Variants in GRM3 observed in about 807,000 individuals in gnomAD.
GRM3 encodes metabotropic glutamate receptor 3.
A neutral mutation model predicts 70.5 loss-of-function variants in GRM3; 26 were observed. The ratio of observed to expected loss-of-function variants is 0.37; its 90% confidence interval spans 0.27 to 0.51. The LOEUF is 0.51. GRM3 is among the 20% of genes least tolerant of loss of function. The pLI is 0.93. For synonymous variants in GRM3, 443 were observed against 434.9 expected (o/e 1.02, Z -0.23); for missense variants, 859 against 1,123.8 (o/e 0.76, Z 3.37).
At chr7:86,647,816 C>CA (rs1793511972) in intron 1 of GRM3, among the ~76,000 whole-genome samples, 1 of 152,142 alleles carries the variant, frequency 6.6e-6, no homozygotes, top group Admixed American at 6.5e-5. Flanking sequence ...CTAATGTAGG[C>CA]TTGGTCCCCA....
At chr7:86,753,142 G>A (rs1405266090) in intron 1 of GRM3, among the ~76,000 whole-genome samples, 1 of 152,014 alleles carries the variant, frequency 6.6e-6, no homozygotes, top group Non-Finnish European at 1.5e-5. Flanking sequence ...GAGAAGAAAG[G>A]CAGAATGCTA....
At chr7:86,731,634 A>G (rs2237548) in intron 1 of GRM3, among the ~76,000 whole-genome samples, 60,809 of 151,980 alleles carry the variant, frequency 0.4, 15,073 homozygotes, top group African/African-American at 0.71. Flanking sequence ...GTCAGATTGG[A>G]TTGGCTATAC....
intron 1 of GRM3, among the ~76,000 whole-genome samples, chr7:86,740,272 G>A (rs1312039064): frequency 1.3e-5 from 2 of 152,114 alleles, no homozygotes; most frequent in African/African-American, 4.8e-5. Context: ...TCCATTTTGA[G>A]GAGGAAGAAG....
intron 5 of GRM3, among the ~76,000 whole-genome samples, chr7:86,859,968 C>G (rs1231384829): frequency 2.0e-5 from 3 of 152,108 alleles, no homozygotes; most frequent in African/African-American, 7.2e-5. Flanking sequence ...CTTTTGTGAT[C>G]AATAGTGGAA....
At chr7:86,726,798 C>T (rs1331650699) in intron 1 of GRM3, among the ~76,000 whole-genome samples, 3 of 152,314 alleles carry the variant, frequency 2.0e-5, no homozygotes, top group Middle Eastern at 3.4e-3. Context: ...CCAATTAATA[C>T]AGTCACTTCC....
At chr7:86,797,059 T>C (rs1279355874) in intron 3 of GRM3, among the ~76,000 whole-genome samples, 1 of 152,236 alleles carries the variant, frequency 6.6e-6, no homozygotes, top group Non-Finnish European at 1.5e-5. Flanking sequence ...TCAACATCTT[T>C]TTCTTTATAA....
intron 2 of GRM3, among the ~76,000 whole-genome samples, chr7:86,771,467 G>T (rs913921813): frequency 1.7e-4 from 26 of 151,972 alleles, no homozygotes; most frequent in African/African-American, 5.8e-4. Flanking sequence ...TATAACTAGG[G>T]TTCTCATATA....
intron 3 of GRM3, among the ~76,000 whole-genome samples, chr7:86,812,199 A>C (rs1797923717): frequency 6.6e-6 from 1 of 151,854 alleles, no homozygotes; most frequent in African/African-American, 2.4e-5. Flanking sequence ...AAGTAGGAAA[A>C]TACATATGAC....
At chr7:86,717,544 G>T (rs1049869985) in intron 1 of GRM3, among the ~76,000 whole-genome samples, 1 of 151,820 alleles carries the variant, frequency 6.6e-6, no homozygotes, top group South Asian at 2.1e-4. Context: ...CTATTACAAA[G>T]GTATTCTGAA....
At position 86,839,572 on chromosome 7, in the gene GRM3, T is replaced by C. The variant is rs748430192; in HGVS notation, c.2058T>C (p.Ser686=). The change falls in exon 4 of 6, where the codon AGT becomes AGC. Residue 686 remains serine, a synonymous_variant. Transcript: ENST00000361669. The surrounding 1 kb of genome is among the most constrained non-coding windows in gnomAD (Gnocchi z 4.5). Reference sequence around the variant, plus strand: ...AGAGGCCAAAATTCATCAGCCCCAGTTCTCAGGTTTTCATCTGCCTGGGTC... The same window carrying C: ...AGAGGCCAAAATTCATCAGCCCCAGCTCTCAGGTTTTCATCTGCCTGGGTC... ...GAQRPKFISP[S]SQVFICLGLI... is the part of the protein sequence containing the mutation. 8 of 1,612,130 alleles carry C rather than the reference T, an allele frequency of 5.0e-6. No individual in the cohort carries two copies. The Admixed American group carries it at 1.3e-4, about 27-fold the overall frequency.
rs573051893 is a variant in GRM3 at position 86,651,149 on chromosome 7, A to G, written c.-141+6277A>G. Among the ~76,000 whole-genome samples, 44 of 152,306 alleles carry G rather than the reference A, an allele frequency of 2.9e-4. No individual in the cohort carries two copies. In the East Asian group the frequency reaches 6.6e-3, roughly 23 times the overall value. ...TATTCTCTGACCTCAGTGCCTTCCC[A>G]CAGACAGGAAACCTGCTGTCTTAAT... On this transcript the variant is annotated intron_variant, in intron 1 of 5. Transcript: ENST00000361669.
intron 3 of GRM3, among the ~76,000 whole-genome samples, chr7:86,820,959 C>T (rs183701461): frequency 6.6e-6 from 1 of 152,262 alleles, no homozygotes; most frequent in Non-Finnish European, 1.5e-5. Context: ...TACTTCAAAG[C>T]CAAAAATATG....
At position 86,850,426 on chromosome 7, in the gene GRM3, C is replaced by A. The variant is rs767063195; in HGVS notation, c.2448C>A (p.Gly816=). The change falls in exon 5 of 6, where the codon GGC becomes GGA. Residue 816 remains glycine (G), a synonymous_variant. Coordinates refer to ENST00000361669, the MANE Select transcript of GRM3 (RefSeq NM_000840.3). ...SVSLSGFVVL[G]CLFAPKVHII... is the part of the protein sequence containing the mutation. The stretch of plus-strand genomic sequence containing the variant: ...GCCTGAGTGGCTTTGTGGTCTTGGG[C>A]TGTTTGTTTGCACCCAAGGTTCACA... 1.2e-6 allele frequency: 2 copies of A among 1,612,566 alleles called. No individual in the cohort carries two copies. Among genetic ancestry groups the A allele is most frequent in the Non-Finnish European group, 8.5e-7 (1 of 1,178,804 alleles).
chr7:86,735,528 C>T (rs1192864433), intron 1 of GRM3, among the ~76,000 whole-genome samples: 1 of 152,116 alleles, frequency 6.6e-6, no homozygotes, highest in Non-Finnish European at 1.5e-5. Context: ...ATGATCTGAC[C>T]AGCAGGTTTT....
intron 1 of GRM3, among the ~76,000 whole-genome samples, chr7:86,732,672 C>A (rs1035371718): frequency 2.0e-5 from 3 of 152,104 alleles, no homozygotes; most frequent in Non-Finnish European, 4.4e-5. Context: ...ACACAAGGAA[C>A]GTAAGGCTTA....
In GRM3 at chr7:86,669,880, C is replaced by T. The variant is rs552611939; in HGVS notation, c.-141+25008C>T. 2.3e-3 allele frequency among the ~76,000 whole-genome samples: 355 copies of T among 152,256 alleles called. 1 individual carries two copies. Among genetic ancestry groups the T allele is most frequent in the African/African-American group, 8.2e-3 (340 of 41,562 alleles). On this transcript the variant is annotated intron_variant, in intron 1 of 5. Transcript: ENST00000361669. ...CTCACAATCTATTTACTCCTTAACT[C>T]ACTCTGTAGTTTCATTTCTGTCCCC...
chr7:86,815,481 C>T (rs1266504225), intron 3 of GRM3, among the ~76,000 whole-genome samples: 2 of 151,862 alleles, frequency 1.3e-5, no homozygotes, highest in Non-Finnish European at 2.9e-5. Context: ...ATTCCCCCAA[C>T]TTATACAAAA....
intron 2 of GRM3, among the ~76,000 whole-genome samples, chr7:86,785,644 G>C (rs986911903): frequency 4.9e-5 from 7 of 142,212 alleles, no homozygotes; most frequent in Non-Finnish European, 1.1e-4. Flanking sequence ...GTTTAGAAAA[G>C]CGTATGCCTA....
intron 1 of GRM3, among the ~76,000 whole-genome samples, chr7:86,683,240 G>A (rs939445460): frequency 6.6e-6 from 1 of 152,164 alleles, no homozygotes; most frequent in East Asian, 1.9e-4. Flanking sequence ...AGGAGAAGAG[G>A]AAGGAGTCAA....
Sources: gnomAD v4.1 joint callset for allele counts (sites outside exome capture counted in the v4.1 genomes callset) on GRCh38, gnomAD v4.1.1 for gene constraint, Gnocchi (gnomAD v3.1) non-coding constraint, MANE v1.5 for transcripts, NCBI Gene and HGNC (gene_info 2026-07-23, HGNC 2026-07-21) for gene names.